ENAH: variants seen among roughly 807,000 people sequenced by gnomAD.
ENAH encodes the protein protein enabled homolog.
Under a neutral mutation model 78.7 loss-of-function variants are expected in ENAH, and 23 were observed. That is an observed-to-expected ratio of 0.29 (90% CI 0.21 to 0.41). The LOEUF (loss-of-function observed/expected upper bound fraction) is 0.41, where lower values mean the gene tolerates loss of function less well. ENAH is among the 10% of genes least tolerant of loss of function. The probability of loss-of-function intolerance (pLI) is 1.00; values close to 1 mark genes in which losing one functional copy is unlikely to be tolerated. For missense variants in ENAH, 544 were observed against 691.0 expected, an observed-to-expected ratio of 0.79 and a Z score of 2.39; for synonymous variants, 226 against 241.0, an observed-to-expected ratio of 0.94 and a Z score of 0.58.
intron 1 of ENAH, among the ~76,000 whole-genome samples, chr1:225,616,463 T>G (rs532594019): frequency 6.6e-6 from 1 of 152,294 alleles, no homozygotes; most frequent in South Asian, 2.1e-4. Context: ...AGTTTATTCA[T>G]ACAAGTAAAT....
intron 3 of ENAH, among the ~76,000 whole-genome samples, chr1:225,538,733 G>C (rs564919463): frequency 6.6e-6 from 1 of 152,002 alleles, no homozygotes; most frequent in East Asian, 1.9e-4. Context: ...AAAATTATTT[G>C]TCTGCACTGG....
intron 1 of ENAH, among the ~76,000 whole-genome samples, chr1:225,650,479 A>C (rs1662757990): frequency 2.0e-5 from 3 of 152,236 alleles, no homozygotes; most frequent in Admixed American, 2.0e-4. Flanking sequence ...ATTAAACTTC[A>C]CTGAATACCC....
intron 1 of ENAH, among the ~76,000 whole-genome samples, chr1:225,597,112 G>C (rs1434117429): frequency 6.6e-6 from 1 of 152,010 alleles, no homozygotes; most frequent in Non-Finnish European, 1.5e-5. Flanking sequence ...CTACATGTAG[G>C]ACGTATACCC....
chr1:225,652,999 G>C lies in ENAH; in HGVS notation c.-309C>G, dbSNP rs898374987. 1 of 275,346 alleles carries C rather than the reference G, an allele frequency of 3.6e-6. No homozygotes were observed. Among genetic ancestry groups the C allele is most frequent in the Admixed American group, 5.3e-5 (1 of 18,726 alleles). The allele number at this position is 275,346 out of a possible 1,614,324, so 17.1% of individuals were successfully genotyped here. ...CTGCTCCTCCTCCCGGAGCTTCCTC[G>C]GCCGCCCTCTGAGGGGTGCCCGCCG... On this transcript the variant is annotated 5_prime_UTR_variant, in exon 1 of 14. Coordinates refer to ENST00000366843, the MANE Select transcript of ENAH (RefSeq NM_018212.6).
chr1:225,510,711 A>G (rs2096370190), intron 10 of ENAH, among the ~76,000 whole-genome samples: 1 of 151,756 alleles, frequency 6.6e-6, no homozygotes, highest in Admixed American at 6.6e-5. Flanking sequence ...AAAAAAAAAA[A>G]AAAAAAAAAG....
chr1:225,603,775 G>A (rs1327041320), intron 1 of ENAH, among the ~76,000 whole-genome samples: 1 of 152,132 alleles, frequency 6.6e-6, no homozygotes, highest in Non-Finnish European at 1.5e-5. Flanking sequence ...TTCAAAATTA[G>A]ACCATCAGCC....
chr1:225,652,566 G>T, intron 1 of ENAH, 120 bp downstream of exon 1: 1 of 1,100,866 alleles, frequency 9.1e-7, no homozygotes, highest in South Asian at 3.7e-5. Context: ...GGGAGGAACA[G>T]ACCGGAGACC....
chr1:225,533,960 G>T (rs939822190), intron 3 of ENAH, among the ~76,000 whole-genome samples: 3 of 152,052 alleles, frequency 2.0e-5, no homozygotes. Flanking sequence ...TAAATTAAAG[G>T]TAATAATGGG....
At chr1:225,527,347 T>A (rs76838879) in intron 4 of ENAH, among the ~76,000 whole-genome samples, 6,540 of 152,268 alleles carry the variant, frequency 0.043, 229 homozygotes, top group South Asian at 0.11. Context: ...GATTTTTATA[T>A]AAATAACCAC....
intron 1 of ENAH, among the ~76,000 whole-genome samples, chr1:225,588,757 G>T (rs931666674): frequency 4.7e-5 from 7 of 149,730 alleles, no homozygotes; most frequent in Admixed American, 3.3e-4. Context: ...GTGAGCCGAG[G>T]TCGTGCCACT....
intron 1 of ENAH, among the ~76,000 whole-genome samples, chr1:225,622,708 T>TAC (rs1190903763): frequency 1.3e-5 from 2 of 152,024 alleles, no homozygotes; most frequent in East Asian, 1.9e-4. Context: ...TCAAAGCCCC[T>TAC]ACCCTCTTAA....
chr1:225,587,806 A>G (rs1001811503), intron 1 of ENAH, among the ~76,000 whole-genome samples: 2 of 152,234 alleles, frequency 1.3e-5, no homozygotes, highest in Non-Finnish European at 2.9e-5. Context: ...ATAGACAAAT[A>G]TATCAATGAA....
At chr1:225,549,909 T>G (rs943931430) in intron 3 of ENAH, among the ~76,000 whole-genome samples, 3 of 152,204 alleles carry the variant, frequency 2.0e-5, no homozygotes. Flanking sequence ...GAATTGATCT[T>G]CATGCTTGTA....
chr1:225,553,695 C>G (rs2096652610), intron 3 of ENAH, among the ~76,000 whole-genome samples: 1 of 152,070 alleles, frequency 6.6e-6, no homozygotes, highest in Admixed American at 6.5e-5. Flanking sequence ...GAGAGAAGTA[C>G]AGAGACTTAG....
intron 3 of ENAH, 143 bp downstream of exon 3, chr1:225,554,763 C>T (rs1200752727): frequency 4.8e-6 from 3 of 629,504 alleles, no homozygotes; most frequent in Non-Finnish European, 7.2e-6. Context: ...AAAACTACTT[C>T]AAATATATAC....
At chr1:225,629,975 C>T (rs956446320) in intron 1 of ENAH, among the ~76,000 whole-genome samples, 1 of 152,114 alleles carries the variant, frequency 6.6e-6, no homozygotes, top group Admixed American at 6.5e-5. Flanking sequence ...GATTTGCATT[C>T]TCTATTGGAA....
At chr1:225,584,165 G>T (rs1466845680) in intron 1 of ENAH, among the ~76,000 whole-genome samples, 2 of 152,074 alleles carry the variant, frequency 1.3e-5, no homozygotes, top group Non-Finnish European at 2.9e-5. Context: ...AAACAAAAAA[G>T]GTAAATACAG....
intron 1 of ENAH, among the ~76,000 whole-genome samples, chr1:225,604,621 CAAAAA>C (rs762454618): frequency 2.2e-5 from 2 of 88,962 alleles, no homozygotes; most frequent in Admixed American, 1.2e-4. Context: ...CCGTCTCTAC[CAAAAA>C]AAAAAAAAAA....
chr1:225,514,719 T>TGGA lies in ENAH; in HGVS notation c.1092_1094dup (p.Pro368dup). The TGGA allele has an allele frequency of 9.9e-7, 1 of 1,008,248 alleles. No individual in the cohort carries two copies. The highest frequency in any genetic ancestry group is 1.4e-6 in the Non-Finnish European group (1 of 740,168). The allele number at this position is 1,008,248 out of a possible 1,614,324, so 62.5% of individuals were successfully genotyped here. A position where few individuals can be genotyped will look rare whatever the true frequency, so the allele number is the denominator to read the frequency against. ...CAGGGAGGGGTGGGGCAGGAGGTGGTGGAGGAGGAGGGGGTACTTGATTAG... is the reference window on the plus strand; with the variant it reads ...CAGGGAGGGGTGGGGCAGGAGGTGGTGGAGGAGGAGGAGGGGGTACTTGATTAG... On this transcript the variant is annotated inframe_insertion, in exon 7 of 14. Coordinates refer to ENST00000366843, the MANE Select transcript of ENAH (RefSeq NM_018212.6).
Sources: allele counts gnomAD v4.1 joint callset (sites outside exome capture counted in the v4.1 genomes callset), GRCh38; gene constraint gnomAD v4.1.1; transcripts MANE v1.5; gene names NCBI Gene and HGNC (gene_info 2026-07-23, HGNC 2026-07-21).